The following LZTFL1 variants were observed in gnomAD, a reference collection of about 807,000 sequenced individuals.
LZTFL1 encodes the protein leucine zipper transcription factor like 1.
A neutral mutation model predicts 45.9 loss-of-function variants in LZTFL1; 25 were observed. That is an observed-to-expected ratio of 0.54 (90% CI 0.40 to 0.76). LZTFL1 has a LOEUF of 0.76. LZTFL1 is among the 30% of genes least tolerant of loss of function. LZTFL1 has a pLI of 0.00. For synonymous variants in LZTFL1, 93 were observed against 117.4 expected (o/e 0.79, Z 1.35); for missense variants, 277 against 331.1 (o/e 0.84, Z 1.27).
intron 2 of LZTFL1, among the ~76,000 whole-genome samples, chr3:45,907,649 A>G (rs981318684): frequency 1.3e-5 from 2 of 152,188 alleles, no homozygotes; most frequent in Non-Finnish European, 2.9e-5. Context: ...TGGCAAGATG[A>G]CGTGGCAAAG....
In LZTFL1 at chr3:45,828,431, C is replaced by G; in HGVS notation, c.777+8G>C. On this transcript the variant is annotated splice_region_variant and intron_variant, in intron 8 of 9. Coordinates refer to ENST00000296135, the MANE Select transcript of LZTFL1 (RefSeq NM_020347.4). The stretch of plus-strand genomic sequence containing the variant: ...AACAGACAAATCCCTTAAACATGGT[C>G]TTCTGACCTTTTCAGCCATGTGCAG... The G allele has an allele frequency of 6.2e-7, 1 of 1,612,866 alleles. No individual in the cohort carries two copies. The highest frequency in any genetic ancestry group is 8.5e-7 in the Non-Finnish European group (1 of 1,179,484).
At chr3:45,879,686 T>G (rs143945380) in intron 2 of LZTFL1, among the ~76,000 whole-genome samples, 2 of 151,938 alleles carry the variant, frequency 1.3e-5, no homozygotes, top group Admixed American at 6.5e-5. Context: ...GTAGATGAAC[T>G]GATTATAACA....
chr3:45,857,839 A>T (rs1701417743), intron 3 of LZTFL1, among the ~76,000 whole-genome samples: 1 of 152,170 alleles, frequency 6.6e-6, no homozygotes, highest in African/African-American at 2.4e-5. Context: ...ATCCCCCACC[A>T]GAATGGTACA....
rs749729442 is a variant in LZTFL1 at position 45,900,826 on chromosome 3, T to C, written c.-215+12294A>G. 58 of 1,612,350 alleles carry C rather than the reference T, an allele frequency of 3.6e-5. No homozygotes were observed. Among genetic ancestry groups the C allele is most frequent in the Non-Finnish European group, 4.8e-5 (57 of 1,178,738 alleles). On this transcript the variant is annotated intron_variant, in intron 2 of 4. Transcript: ENST00000472635. This position sits in a 1 kb window ranked among gnomAD's most constrained non-coding sequence, Gnocchi z 4.7. The stretch of plus-strand genomic sequence containing the variant: ...CCCTTGCAGAGCCCTATTCCTAACA[T>C]GGCTGATGACTATGGCTCTGAATCC...
intron 2 of LZTFL1, among the ~76,000 whole-genome samples, chr3:45,904,426 T>C (rs1702638555): frequency 6.6e-6 from 1 of 152,180 alleles, no homozygotes; most frequent in South Asian, 2.1e-4. Context: ...GCCAATGCTT[T>C]TCCCAGCTTT....
intron 2 of LZTFL1, among the ~76,000 whole-genome samples, chr3:45,872,903 C>T (rs998041952): frequency 1.3e-5 from 2 of 152,134 alleles, no homozygotes; most frequent in African/African-American, 2.4e-5. Context: ...GCAAGTGAGG[C>T]TGAAGTAGGG....
At chr3:45,857,302 T>A (rs1316472728) in intron 3 of LZTFL1, among the ~76,000 whole-genome samples, 1 of 152,096 alleles carries the variant, frequency 6.6e-6, no homozygotes, top group Non-Finnish European at 1.5e-5. Flanking sequence ...TTCTCACTTA[T>A]AAGTGGGAAC....
chr3:45,897,783 C>T (rs556141143), intron 2 of LZTFL1: 2 of 583,642 alleles, frequency 3.4e-6, no homozygotes, highest in Admixed American at 3.2e-5. Context: ...GTCTGTCTTC[C>T]TCTTAACATG....
At chr3:45,864,522 G>A (rs1177751305) in intron 2 of LZTFL1, among the ~76,000 whole-genome samples, 1 of 152,134 alleles carries the variant, frequency 6.6e-6, no homozygotes, top group Non-Finnish European at 1.5e-5. Context: ...TTAATATTTG[G>A]TTAATATTTA....
At chr3:45,890,352 T>TATATATAAC (rs1702137974) in intron 2 of LZTFL1, among the ~76,000 whole-genome samples, 2 of 16,170 alleles carry the variant, frequency 1.2e-4, no homozygotes, top group Non-Finnish European at 1.3e-4. Flanking sequence ...ATATATAACA[T>TATATATAAC]ATATATATAT....
intron 2 of LZTFL1, among the ~76,000 whole-genome samples, chr3:45,889,254 G>A (rs1702072109): frequency 6.6e-6 from 1 of 151,982 alleles, no homozygotes; most frequent in Non-Finnish European, 1.5e-5. Context: ...CAAAGTGTTG[G>A]AATTACAGGC....
chr3:45,892,029 T>C (rs967026431), intron 2 of LZTFL1, among the ~76,000 whole-genome samples: 6 of 152,096 alleles, frequency 3.9e-5, no homozygotes, highest in African/African-American at 1.4e-4. Flanking sequence ...ACCATCAACA[T>C]GTAGTTACAT....
rs1700595094 is a variant in LZTFL1 at position 45,823,584 on chromosome 3, T to G, written c.*2730A>C. 6.6e-6 allele frequency: 1 copy of G among 152,260 alleles called. No individual in the cohort carries two copies. Among genetic ancestry groups the G allele is most frequent in the African/African-American group, 2.4e-5 (1 of 41,462 alleles). 9.4% of individuals were successfully genotyped at this position (152,260 alleles called of 1,614,324 possible). A position where few individuals can be genotyped will look rare whatever the true frequency, so the allele number is the denominator to read the frequency against. On this transcript the variant is annotated 3_prime_UTR_variant, in exon 10 of 10. Coordinates refer to ENST00000296135, the MANE Select transcript of LZTFL1 (RefSeq NM_020347.4). Reference sequence around the variant, plus strand: ...TCTATTCAAGACAGAGGTCATTACCTTTAAGTATAATATTTCCCCTTTTTC... The same window carrying G: ...TCTATTCAAGACAGAGGTCATTACCGTTAAGTATAATATTTCCCCTTTTTC...
rs1285876554 is a variant in LZTFL1, at chr3:45,889,017, G to T, written c.-215+24103C>A. ...TTATTTATTTTAGAGACAGGGTCTT[G>T]CTCTGTCACTCAGGCTGCAGTGCAG... On this transcript the variant is annotated intron_variant, in intron 2 of 4. Coordinates refer to the LZTFL1 transcript ENST00000472635. Among the ~76,000 whole-genome samples the T allele has an allele frequency of 4.6e-5, 7 of 152,306 alleles. No homozygotes were observed. The South Asian group carries it at 8.3e-4, about 18-fold the overall frequency.
intron 2 of LZTFL1, among the ~76,000 whole-genome samples, chr3:45,859,617 T>C (rs1701449285): frequency 6.6e-6 from 1 of 151,846 alleles, no homozygotes; most frequent in African/African-American, 2.4e-5. Context: ...AAAGTGGATC[T>C]TTCACAGAGA....
chr3:45,830,803 C>T (rs1246906955), intron 7 of LZTFL1, 110 bp downstream of exon 7: 8 of 889,210 alleles, frequency 9.0e-6, no homozygotes, highest in Non-Finnish European at 1.4e-5. Flanking sequence ...GCATTTGTCT[C>T]AGGGAGTAGC....
intron 4 of LZTFL1, among the ~76,000 whole-genome samples, chr3:45,853,288 G>A (rs980877772): frequency 1.3e-5 from 2 of 152,180 alleles, no homozygotes; most frequent in African/African-American, 4.8e-5. Flanking sequence ...TATATTTTTT[G>A]AGGGACACAA....
chr3:45,873,149 A>AC (rs1473892532), intron 2 of LZTFL1, among the ~76,000 whole-genome samples: 1 of 152,182 alleles, frequency 6.6e-6, no homozygotes, highest in African/African-American at 2.4e-5. Flanking sequence ...TATTCCCCAA[A>AC]CCAATTTTTC....
intron 2 of LZTFL1, among the ~76,000 whole-genome samples, chr3:45,889,687 T>C (rs1286276730): frequency 1.4e-5 from 2 of 143,608 alleles, no homozygotes; most frequent in Non-Finnish European, 3.1e-5. Flanking sequence ...TCTTTTTCTA[T>C]TTTTTTTTTT....
Sources: gnomAD v4.1 joint callset for allele counts (sites outside exome capture counted in the v4.1 genomes callset) on GRCh38, gnomAD v4.1.1 for gene constraint, Gnocchi (gnomAD v3.1) non-coding constraint, MANE v1.5 for transcripts, NCBI Gene and HGNC (gene_info 2026-07-23, HGNC 2026-07-21) for gene names.